Variants in SH3GL3 observed in about 807,000 individuals in gnomAD.
SH3GL3 encodes the protein endophilin-A3.
In SH3GL3, 33 loss-of-function variants were observed where a neutral mutation model predicts 47.7. That is an observed-to-expected ratio of 0.69 (90% confidence interval 0.52 to 0.92). The LOEUF (loss-of-function observed/expected upper bound fraction) is 0.92. SH3GL3 is among the 40% of genes least tolerant of loss of function. The probability of loss-of-function intolerance (pLI) is 0.00; values close to 1 mark genes in which losing one functional copy is unlikely to be tolerated. For synonymous variants in SH3GL3, 155 were observed against 148.8 expected, an observed-to-expected ratio of 1.04 and a Z score of -0.30; for missense variants, 363 against 417.8, an observed-to-expected ratio of 0.87 and a Z score of 1.14.
intron 1 of SH3GL3, among the ~76,000 whole-genome samples, chr15:83,558,567 T>TA (rs2045081267): frequency 6.6e-6 from 1 of 151,984 alleles, no homozygotes; most frequent in South Asian, 2.1e-4. Context: ...GGGTTGCTGT[T>TA]AAACATCTTG....
intron 4 of SH3GL3, among the ~76,000 whole-genome samples, chr15:83,569,477 G>A (rs1307913917): frequency 6.6e-6 from 1 of 151,984 alleles, no homozygotes; most frequent in Non-Finnish European, 1.5e-5. Context: ...AAATCTTTGG[G>A]GATATCCAAA....
At chr15:83,450,544 G>C (rs1268120423) in intron 1 of SH3GL3, among the ~76,000 whole-genome samples, 1 of 152,012 alleles carries the variant, frequency 6.6e-6, no homozygotes, top group African/African-American at 2.4e-5. Context: ...ACTTTACAGA[G>C]AATGAAGACT....
chr15:83,558,434 C>G (rs1168480321), intron 1 of SH3GL3, among the ~76,000 whole-genome samples: 1 of 152,050 alleles, frequency 6.6e-6, no homozygotes, highest in Non-Finnish European at 1.5e-5. Flanking sequence ...GCACATTGGC[C>G]ATACACAAAT....
intron 1 of SH3GL3, among the ~76,000 whole-genome samples, chr15:83,460,040 C>G (rs2040202487): frequency 1.7e-5 from 1 of 58,480 alleles, no homozygotes; most frequent in Non-Finnish European, 3.3e-5. Flanking sequence ...CTCCCTCCCT[C>G]CCTCCCTCCC....
chr15:83,562,287 A>G (rs541855989), intron 2 of SH3GL3, among the ~76,000 whole-genome samples: 68 of 152,280 alleles, frequency 4.5e-4, no homozygotes, highest in Non-Finnish European at 9.0e-4. Flanking sequence ...GTCAGGGCCT[A>G]CAAGGTACCT....
At chr15:83,471,695 C>T (rs2040836042) in intron 1 of SH3GL3, among the ~76,000 whole-genome samples, 1 of 152,148 alleles carries the variant, frequency 6.6e-6, no homozygotes, top group African/African-American at 2.4e-5. Flanking sequence ...GCCCTTTGCT[C>T]AAATAAACTT....
At chr15:83,505,701 A>G (rs963802039) in intron 1 of SH3GL3, among the ~76,000 whole-genome samples, 1 of 151,578 alleles carries the variant, frequency 6.6e-6, no homozygotes, top group African/African-American at 2.4e-5. Context: ...TAATTTTTGT[A>G]TTTTTTAGTG....
intron 1 of SH3GL3, among the ~76,000 whole-genome samples, chr15:83,504,284 G>C (rs2042400775): frequency 6.6e-6 from 1 of 152,182 alleles, no homozygotes; most frequent in Non-Finnish European, 1.5e-5. Flanking sequence ...GAAGTTCCCT[G>C]TGTGTTCCTT....
intron 8 of SH3GL3, among the ~76,000 whole-genome samples, chr15:83,613,219 C>T (rs577783023): frequency 7.0e-4 from 106 of 152,298 alleles, no homozygotes; most frequent in African/African-American, 2.5e-3. Flanking sequence ...TGTAGCCAGC[C>T]CAGTGGTGGC....
chr15:83,457,205 G>T lies in SH3GL3; in HGVS notation c.45+9627G>T, dbSNP rs559391123. Among the ~76,000 whole-genome samples, 4 of 152,278 alleles carry T rather than the reference G, an allele frequency of 2.6e-5. No homozygotes were observed. In the East Asian group the frequency reaches 7.7e-4, roughly 29 times the overall value. On this transcript the variant is annotated intron_variant, in intron 1 of 8. Transcript: ENST00000427482. ...GACCTTCTTGTCTTCCAGGGTCCTT[G>T]TTCTGCATCCCATAAAAGTCCAGGG...
chr15:83,519,132 T>TG (rs1391765269), intron 1 of SH3GL3, among the ~76,000 whole-genome samples: 8 of 152,152 alleles, frequency 5.3e-5, no homozygotes, highest in Non-Finnish European at 1.0e-4. Context: ...TTTTTGCTGG[T>TG]GATTGCTTTG....
intron 1 of SH3GL3, among the ~76,000 whole-genome samples, chr15:83,487,579 C>T (rs1018447206): frequency 9.2e-5 from 14 of 152,134 alleles, no homozygotes; most frequent in Admixed American, 5.2e-4. Flanking sequence ...TTTCTGTCCT[C>T]TTGTGCTTCA....
At position 83,565,215 on chromosome 15, in the gene SH3GL3, G is replaced by A; in HGVS notation, c.187+9G>A. The A allele has an allele frequency of 6.7e-7, 1 of 1,492,986 alleles. No homozygotes were observed. Among genetic ancestry groups the A allele is most frequent in the South Asian group, 1.1e-5 (1 of 87,524 alleles). The allele number at this position is 1,492,986 out of a possible 1,614,324, so 92.5% of individuals were successfully genotyped here. Reference sequence around the variant, plus strand: ...TCTTCAGCCAAATCCAGGTAAAGTTGAAATATTCTCTTGTTCATTTGCTGT... The same window carrying A: ...TCTTCAGCCAAATCCAGGTAAAGTTAAAATATTCTCTTGTTCATTTGCTGT... On this transcript the variant is annotated intron_variant, in intron 3 of 8. Coordinates refer to ENST00000427482, the MANE Select transcript of SH3GL3 (RefSeq NM_003027.5).
intron 4 of SH3GL3, among the ~76,000 whole-genome samples, chr15:83,570,800 G>C (rs1329869597): frequency 6.6e-6 from 1 of 152,240 alleles, no homozygotes; most frequent in Non-Finnish European, 1.5e-5. Context: ...CCTCAGAGCA[G>C]TATAATGTGA....
chr15:83,595,798 C>T (rs1229944071), intron 8 of SH3GL3, among the ~76,000 whole-genome samples: 1 of 152,054 alleles, frequency 6.6e-6, no homozygotes, highest in African/African-American at 2.4e-5. Context: ...TCATAATATT[C>T]TGTTATTATC....
intron 8 of SH3GL3, among the ~76,000 whole-genome samples, chr15:83,594,959 T>G (rs2151819203): frequency 6.6e-6 from 1 of 152,302 alleles, no homozygotes; most frequent in African/African-American, 2.4e-5. Flanking sequence ...CTCAGACAAC[T>G]TAAAGCAGAA....
intron 1 of SH3GL3, among the ~76,000 whole-genome samples, chr15:83,491,199 A>G (rs1299190457): frequency 2.0e-5 from 3 of 152,234 alleles, no homozygotes; most frequent in Non-Finnish European, 4.4e-5. Flanking sequence ...TGTCTCTTGC[A>G]TGAGTGAATT....
In SH3GL3 at chr15:83,447,512, G is replaced by A; in HGVS notation, c.-22G>A. The A allele has an allele frequency of 1.3e-6, 2 of 1,496,788 alleles. No homozygotes were observed. Among genetic ancestry groups the A allele is most frequent in the Non-Finnish European group, 8.9e-7 (1 of 1,121,080 alleles). 92.7% of individuals were successfully genotyped at this position (1,496,788 alleles called of 1,614,324 possible). A position where few individuals can be genotyped will look rare whatever the true frequency, so the allele number is the denominator to read the frequency against. ...CCCAGCCGAGCCTTGAGACCACCCC[G>A]CCCCTGCCGGTCGCAGTCGCGATGT... On this transcript the variant is annotated 5_prime_UTR_variant, in exon 1 of 9. Transcript: ENST00000427482. The surrounding 1 kb of genome is among the most constrained non-coding windows in gnomAD (Gnocchi z 5.1).
intron 8 of SH3GL3, among the ~76,000 whole-genome samples, chr15:83,612,013 C>A (rs1272607538): frequency 3.2e-3 from 411 of 128,182 alleles, no homozygotes; most frequent in African/African-American, 4.2e-3. Flanking sequence ...TGTTGTTGAC[C>A]AAAAAAAAAA....
Sources: gnomAD v4.1 joint callset for allele counts (sites outside exome capture counted in the v4.1 genomes callset) on GRCh38, gnomAD v4.1.1 for gene constraint, Gnocchi (gnomAD v3.1) non-coding constraint, MANE v1.5 for transcripts, NCBI Gene and HGNC (gene_info 2026-07-23, HGNC 2026-07-21) for gene names.